The following COL4A2 variants were observed in gnomAD, a reference collection of about 807,000 sequenced individuals.
The protein encoded by COL4A2 is collagen alpha-2(IV) chain.
COL4A2 carries 99 observed loss-of-function variants against 200.2 expected under a neutral mutation model. The observed-to-expected ratio is 0.49, with a 90% CI of 0.42 to 0.58. The LOEUF (loss-of-function observed/expected upper bound fraction) is 0.58. COL4A2 is among the 20% of genes least tolerant of loss of function. The pLI, the probability that COL4A2 is intolerant of heterozygous loss-of-function variation, is 0.00. For synonymous variants in COL4A2, 897 were observed against 900.6 expected, an observed-to-expected ratio of 1.00 and a Z score of 0.07; for missense variants, 1,950 against 2,314.1, an observed-to-expected ratio of 0.84 and a Z score of 3.23.
At chr13:110,397,129 C>T (rs1879207481) in intron 4 of COL4A2, among the ~76,000 whole-genome samples, 2 of 152,188 alleles carry the variant, frequency 1.3e-5, no homozygotes, top group Non-Finnish European at 2.9e-5. Context: ...ACATGACCGT[C>T]GGAGAGTTTT....
chr13:110,466,240 T>G (rs968419923), intron 26 of COL4A2, among the ~76,000 whole-genome samples, 178 bp downstream of exon 26: 3 of 152,182 alleles, frequency 2.0e-5, no homozygotes, highest in African/African-American at 7.2e-5. Flanking sequence ...AATGACAACC[T>G]GGTAGAGACG....
At chr13:110,468,497 G>A (rs1257060403) in intron 27 of COL4A2, among the ~76,000 whole-genome samples, 1 of 152,104 alleles carries the variant, frequency 6.6e-6, no homozygotes, top group East Asian at 1.9e-4. Context: ...TGCGAGTGTG[G>A]GTTTCTGAGG....
At chr13:110,389,544 C>T (rs1439682915) in intron 4 of COL4A2, among the ~76,000 whole-genome samples, 2 of 152,204 alleles carry the variant, frequency 1.3e-5, no homozygotes, top group Non-Finnish European at 2.9e-5. Flanking sequence ...GGGCCCGGCT[C>T]AGGGAGTCCT....
chr13:110,466,644 A>AT (rs1320684781), intron 26 of COL4A2, among the ~76,000 whole-genome samples: 1 of 152,164 alleles, frequency 6.6e-6, no homozygotes, highest in Admixed American at 6.5e-5. Flanking sequence ...CAAATAATTC[A>AT]TTTTGAAATC....
rs1272213977 is a variant in COL4A2, at chr13:110,501,732, C to A, written c.3825C>A (p.Asn1275Lys). Reference sequence around the variant, plus strand: ...TCCCTGGTATCACACCCCCTTCCAACATCTCTGGGGCACCTGGTGACAAAG... The same window carrying A: ...TCCCTGGTATCACACCCCCTTCCAAAATCTCTGGGGCACCTGGTGACAAAG... The part of the protein sequence containing the change: ...QGFPGITPPS[N>K]ISGAPGDKGA... The change falls in exon 41 of 48, where the codon AAC becomes AAA. Residue 1275 changes from asparagine (N) to lysine (K), a missense_variant. By Grantham distance (94) the Asn-to-Lys change is moderately conservative. This residue lies in a region of COL4A2 where 1,385 missense variants were observed against 1,720.5 expected (regional missense o/e 0.80). Coordinates refer to ENST00000360467, the MANE Select transcript of COL4A2 (RefSeq NM_001846.4). The A allele has an allele frequency of 5.6e-6, 9 of 1,613,778 alleles. No homozygotes were observed. The highest frequency in any genetic ancestry group is 6.8e-6 in the Non-Finnish European group (8 of 1,179,756).
chr13:110,400,824 G>A (rs981012495), intron 4 of COL4A2, among the ~76,000 whole-genome samples: 3 of 152,214 alleles, frequency 2.0e-5, no homozygotes, highest in Non-Finnish European at 4.4e-5. Context: ...GAAGGCTCAT[G>A]AGTTGACTAC....
intron 29 of COL4A2, chr13:110,473,507 A>G (rs1882563305): frequency 4.0e-6 from 1 of 248,154 alleles, no homozygotes; most frequent in Admixed American, 5.3e-5. Flanking sequence ...GGCCCTGGCC[A>G]TGCTTAGTCA....
intron 4 of COL4A2, among the ~76,000 whole-genome samples, chr13:110,358,798 T>C (rs1490640507): frequency 6.6e-6 from 1 of 152,254 alleles, no homozygotes; most frequent in Non-Finnish European, 1.5e-5. Context: ...TAATCAATTG[T>C]ATTCTGTTCC....
chr13:110,357,053 C>T (rs1007283813), intron 3 of COL4A2, among the ~76,000 whole-genome samples: 2 of 152,116 alleles, frequency 1.3e-5, no homozygotes, highest in African/African-American at 2.4e-5. Context: ...CGTGAGCGAC[C>T]GCGCCCAGCC....
intron 29 of COL4A2, among the ~76,000 whole-genome samples, chr13:110,476,081 C>T (rs1882693698): frequency 6.6e-6 from 1 of 152,156 alleles, no homozygotes; most frequent in African/African-American, 2.4e-5. Flanking sequence ...CCCTGCTGCC[C>T]CCTGCTGAGG....
intron 32 of COL4A2, 69 bp downstream of exon 32, chr13:110,482,728 A>G: frequency 5.3e-6 from 8 of 1,519,712 alleles, no homozygotes; most frequent in South Asian, 1.2e-5. Context: ...TCTTGGTGGC[A>G]TAACATTGCC....
chr13:110,497,758 G>A (rs9559830), intron 40 of COL4A2, among the ~76,000 whole-genome samples: 27,546 of 77,200 alleles, frequency 0.36, 3,532 homozygotes, highest in South Asian at 0.43. Context: ...GAGGATCTGG[G>A]GTCAGTCCAG....
At chr13:110,499,052 G>A (rs1883553380) in intron 40 of COL4A2, among the ~76,000 whole-genome samples, 1 of 152,222 alleles carries the variant, frequency 6.6e-6, no homozygotes, top group African/African-American at 2.4e-5. Context: ...CACTGCCTCT[G>A]GCTAGTGATG....
intron 45 of COL4A2, among the ~76,000 whole-genome samples, 166 bp from the exon 46 acceptor site, chr13:110,506,249 G>A (rs1243822659): frequency 8.8e-6 from 1 of 114,108 alleles, no homozygotes; most frequent in Non-Finnish European, 1.9e-5. Flanking sequence ...AGGTACACCA[G>A]GCCGTCCACT....
intron 20 of COL4A2, among the ~76,000 whole-genome samples, chr13:110,453,524 A>G (rs1367377429): frequency 6.6e-6 from 1 of 152,174 alleles, no homozygotes; most frequent in Non-Finnish European, 1.5e-5. Context: ...GGAAAAAAAA[A>G]TCCACTTTAA....
intron 4 of COL4A2, among the ~76,000 whole-genome samples, chr13:110,404,856 G>T (rs1257707920): frequency 6.6e-6 from 1 of 152,210 alleles, no homozygotes; most frequent in Non-Finnish European, 1.5e-5. Flanking sequence ...TTGGGGCTGG[G>T]CACGGTGGCT....
intron 4 of COL4A2, among the ~76,000 whole-genome samples, chr13:110,362,039 G>A (rs955144467): frequency 3.3e-5 from 5 of 152,132 alleles, no homozygotes; most frequent in African/African-American, 7.2e-5. Flanking sequence ...TTCTGTGTCC[G>A]TACTCCTCTT....
chr13:110,430,093 A>G (rs1880619767), intron 8 of COL4A2, 137 bp downstream of exon 8: 5 of 870,758 alleles, frequency 5.7e-6, no homozygotes, highest in Admixed American at 3.5e-5. Context: ...CATAATCTAA[A>G]AGTCATCTTA....
intron 4 of COL4A2, among the ~76,000 whole-genome samples, chr13:110,363,563 C>T (rs1422381381): frequency 1.3e-5 from 2 of 152,150 alleles, no homozygotes; most frequent in African/African-American, 4.8e-5. Flanking sequence ...TCTTTGGCTC[C>T]TGCTGTCAGC....
Sources: gnomAD v4.1 joint callset for allele counts (sites outside exome capture counted in the v4.1 genomes callset) on GRCh38, gnomAD v4.1.1 for gene constraint, gnomAD v4.1.1 regional missense constraint, MANE v1.5 for transcripts, NCBI Gene and HGNC (gene_info 2026-07-23, HGNC 2026-07-21) for gene names.